The following ZNF362 variants were observed in gnomAD, a reference collection of about 807,000 sequenced individuals.
The protein encoded by ZNF362 is rotund homolog.
ZNF362 carries 11 observed loss-of-function variants against 42.9 expected under a neutral mutation model. The observed-to-expected ratio is 0.26, with a 90% confidence interval of 0.16 to 0.42. The LOEUF is 0.42. Ranked by LOEUF, ZNF362 falls within the 20% of genes least tolerant of loss-of-function variation. The probability of loss-of-function intolerance (pLI) is 1.00; values close to 1 mark genes in which losing one functional copy is unlikely to be tolerated. For missense variants in ZNF362, 362 were observed against 576.2 expected (o/e 0.63, Z 3.81); for synonymous variants, 255 against 257.3 (o/e 0.99, Z 0.09).
At chr1:33,286,635 GA>G (rs1646035001) in intron 6 of ZNF362, among the ~76,000 whole-genome samples, 1 of 152,160 alleles carries the variant, frequency 6.6e-6, no homozygotes, top group African/African-American at 2.4e-5. Flanking sequence ...TAATTAAACT[GA>G]TATGTCCTAA....
the ZNF362 span, among the ~76,000 whole-genome samples, chr1:33,172,764 C>T: frequency 1.3e-5 from 2 of 152,158 alleles, no homozygotes; most frequent in Non-Finnish European, 2.9e-5. Flanking sequence ...CAGATCTCTC[C>T]TGCTGTGAGG....
At chr1:33,243,106 TTATTATGTTATGTTA>T in the ZNF362 span, among the ~76,000 whole-genome samples, 2 of 128,628 alleles carry the variant, frequency 1.6e-5, no homozygotes, top group African/African-American at 6.3e-5. Flanking sequence ...ACCACAACTG[TTATTATGTTATGTTA>T]TGTTATGTTA....
chr1:33,147,434 T>C, the ZNF362 span: 1 of 1,614,082 alleles, frequency 6.2e-7, no homozygotes, highest in South Asian at 1.1e-5. This position sits in a 1 kb window ranked among gnomAD's most constrained non-coding sequence, Gnocchi z 8.1. Context: ...CCATCGTGCA[T>C]CACGATGCAG....
At chr1:33,165,254 T>C in the ZNF362 span, 1 of 484,568 alleles carries the variant, frequency 2.1e-6, no homozygotes, top group Non-Finnish European at 3.7e-6. The surrounding 1 kb of genome is among the most constrained non-coding windows in gnomAD (Gnocchi z 4.0). Context: ...GCCCACATCC[T>C]TGCCGCCAGT....
chr1:33,156,115 C>G, the ZNF362 span, among the ~76,000 whole-genome samples: 11 of 152,316 alleles, frequency 7.2e-5, no homozygotes, highest in African/African-American at 2.2e-4. Context: ...TGCAGCAGAT[C>G]GCAGTCAAGG....
At chr1:33,150,648 G>A in the ZNF362 span, among the ~76,000 whole-genome samples, 2 of 152,316 alleles carry the variant, frequency 1.3e-5, no homozygotes, top group African/African-American at 4.8e-5. Flanking sequence ...TTCACCCTGT[G>A]GTCTGACTGG....
chr1:33,154,747 G>A, the ZNF362 span, among the ~76,000 whole-genome samples: 16 of 148,980 alleles, frequency 1.1e-4, no homozygotes, highest in Non-Finnish European at 2.1e-4. Context: ...GCAGTGAGCC[G>A]AGATCACGCC....
At chr1:33,186,825 A>AAAAAAAAAAAAAAAAAAAAAAAAAT in the ZNF362 span, among the ~76,000 whole-genome samples, 1 of 111,830 alleles carries the variant, frequency 8.9e-6, no homozygotes, top group African/African-American at 3.3e-5. Flanking sequence ...AAAAAAAAAA[A>AAAAAAAAAAAAAAAAAAAAAAAAAT]GAAATGAGTT....
At chr1:33,205,231 G>A in the ZNF362 span, among the ~76,000 whole-genome samples, 5 of 152,070 alleles carry the variant, frequency 3.3e-5, no homozygotes, top group Admixed American at 2.0e-4. Context: ...CAACTATAAC[G>A]TCAGCACTTT....
the ZNF362 span, among the ~76,000 whole-genome samples, chr1:33,155,814 TGGG>T: frequency 4.8e-4 from 73 of 152,294 alleles, no homozygotes; most frequent in African/African-American, 1.7e-3. Flanking sequence ...AATCTGCCCT[TGGG>T]GGGGATCTGT....
chr1:33,237,620 A>G, the ZNF362 span, among the ~76,000 whole-genome samples: 1 of 152,126 alleles, frequency 6.6e-6, no homozygotes, highest in Admixed American at 6.6e-5. Context: ...TCTTTATAGT[A>G]TTCTTCCCCT....
At chr1:33,282,168 C>G (rs938116699) in intron 6 of ZNF362, among the ~76,000 whole-genome samples, 29 of 152,200 alleles carry the variant, frequency 1.9e-4, no homozygotes, top group Admixed American at 6.5e-4. Context: ...CCACAGGGCT[C>G]TGTGCATGTC....
chr1:33,213,760 G>A, the ZNF362 span, among the ~76,000 whole-genome samples: 1 of 152,030 alleles, frequency 6.6e-6, no homozygotes, highest in Non-Finnish European at 1.5e-5. Flanking sequence ...CAGGAGAATC[G>A]CTTGAACCCG....
In ZNF362 at chr1:33,280,110, A is replaced by G. The variant is rs754052954; in HGVS notation, c.350-14A>G. On this transcript the variant is annotated splice_polypyrimidine_tract_variant and intron_variant, in intron 4 of 8. Transcript: ENST00000539719. This position sits in a 1 kb window ranked among gnomAD's most constrained non-coding sequence, Gnocchi z 5.6. ...GCTCCGCTCACCCCTGCCCCCACCCACCTGTCTTCGCAGGTCTGGGGCTGT... is the reference window on the plus strand; with the variant it reads ...GCTCCGCTCACCCCTGCCCCCACCCGCCTGTCTTCGCAGGTCTGGGGCTGT... 7 of 1,547,850 alleles carry G rather than the reference A, an allele frequency of 4.5e-6. No homozygotes were observed. The highest frequency in any genetic ancestry group is 3.7e-5 in the South Asian group (3 of 81,936).
chr1:33,296,428 C>G (rs1367031272), intron 8 of ZNF362, among the ~76,000 whole-genome samples: 1 of 152,100 alleles, frequency 6.6e-6, no homozygotes, highest in East Asian at 2.0e-4. Context: ...CCTGGGAGCT[C>G]CTTTTGTCCC....
the ZNF362 span, among the ~76,000 whole-genome samples, chr1:33,230,896 T>C: frequency 6.6e-6 from 1 of 152,232 alleles, no homozygotes; most frequent in South Asian, 2.1e-4. Context: ...TATAAAACTT[T>C]CATAACCATA....
chr1:33,297,348 T>G (rs914348829), intron 8 of ZNF362, among the ~76,000 whole-genome samples: 1 of 106,776 alleles, frequency 9.4e-6, no homozygotes, highest in African/African-American at 2.8e-5. Context: ...GCACTTTATC[T>G]CTCTGATAAA....
chr1:33,280,250 C>G lies in ZNF362; in HGVS notation c.476C>G (p.Ser159Trp). The G allele has an allele frequency of 6.2e-7, 1 of 1,614,070 alleles. No homozygotes were observed. Among genetic ancestry groups the G allele is most frequent in the Non-Finnish European group, 8.5e-7 (1 of 1,179,944 alleles). The change falls in exon 5 of 9, where the codon TCG (serine) becomes TGG (tryptophan). Residue 159 changes from serine (S) to tryptophan (W), a missense_variant. Physicochemically the swap from Ser to Trp is radical, Grantham distance 177 (BLOSUM62 -3). Coordinates refer to ENST00000539719, the MANE Select transcript of ZNF362 (RefSeq NM_152493.3). This position sits in a 1 kb window ranked among gnomAD's most constrained non-coding sequence, Gnocchi z 5.6. ...TTTSQSRLIA[S>W]SPTLISGITS... ...ACCAGCCAGAGCCGCCTCATCGCCTCGTCCCCCACCCTCATCTCAGGGATC... is the reference window on the plus strand; with the variant it reads ...ACCAGCCAGAGCCGCCTCATCGCCTGGTCCCCCACCCTCATCTCAGGGATC...
chr1:33,158,720 A>G, the ZNF362 span, among the ~76,000 whole-genome samples: 2 of 152,190 alleles, frequency 1.3e-5, no homozygotes, highest in African/African-American at 4.8e-5. Context: ...ACTAAGTGTT[A>G]TTACTACTAA....
Sources: gnomAD v4.1 joint callset for allele counts (sites outside exome capture counted in the v4.1 genomes callset) on GRCh38, gnomAD v4.1.1 for gene constraint, Gnocchi (gnomAD v3.1) non-coding constraint, MANE v1.5 for transcripts, NCBI Gene and HGNC (gene_info 2026-07-23, HGNC 2026-07-21) for gene names.